Variants in STXBP6 observed in about 807,000 individuals in gnomAD.
The protein encoded by STXBP6 is syntaxin-binding protein 6.
A neutral mutation model predicts 26.9 loss-of-function variants in STXBP6; 21 were observed. The observed-to-expected ratio is 0.78, with a 90% CI of 0.55 to 1.12. The LOEUF (loss-of-function observed/expected upper bound fraction) is 1.12. Ranked by LOEUF, STXBP6 falls within the 50% of genes most tolerant of loss-of-function variation. The probability of loss-of-function intolerance (pLI) is 0.00; values close to 1 mark genes in which losing one functional copy is unlikely to be tolerated. For missense variants in STXBP6, 232 were observed against 257.9 expected (o/e 0.90, Z 0.69); for synonymous variants, 97 against 92.6 (o/e 1.05, Z -0.27).
chr14:24,820,660 T>C (rs1252392733), intron 4 of STXBP6, among the ~76,000 whole-genome samples: 2 of 152,208 alleles, frequency 1.3e-5, no homozygotes, highest in Non-Finnish European at 2.9e-5. Flanking sequence ...CTCATAACTA[T>C]GATAATAACC....
chr14:24,923,204 C>A (rs1163859543), intron 2 of STXBP6, among the ~76,000 whole-genome samples: 2 of 152,108 alleles, frequency 1.3e-5, no homozygotes, highest in Non-Finnish European at 2.9e-5. Flanking sequence ...TCCTACACAA[C>A]ATAACAATTT....
At chr14:24,917,170 C>T (rs2071797454) in intron 2 of STXBP6, among the ~76,000 whole-genome samples, 1 of 151,956 alleles carries the variant, frequency 6.6e-6, no homozygotes, top group African/African-American at 2.4e-5. Context: ...TACTAACATC[C>T]ATGTTTAACA....
chr14:24,984,612 G>A (rs1482150771), intron 1 of STXBP6, among the ~76,000 whole-genome samples: 4 of 152,150 alleles, frequency 2.6e-5, no homozygotes, highest in South Asian at 2.1e-4. Flanking sequence ...TCAACTTCAC[G>A]AATTCATGCC....
At chr14:24,932,322 G>A (rs1280385586) in intron 2 of STXBP6, among the ~76,000 whole-genome samples, 3 of 152,140 alleles carry the variant, frequency 2.0e-5, no homozygotes, top group African/African-American at 4.8e-5. Flanking sequence ...CAGGAGAATC[G>A]TTTGAACCTG....
chr14:25,014,936 A>G lies in STXBP6; in HGVS notation c.-33+34942T>C, dbSNP rs72682973. Reference sequence around the variant, plus strand: ...ATCTCCCAAATTTTCTGTAATTACCATATTATTTTAAATGTTGGAGAATAC... The same window carrying G: ...ATCTCCCAAATTTTCTGTAATTACCGTATTATTTTAAATGTTGGAGAATAC... On this transcript the variant is annotated intron_variant, in intron 1 of 5. Coordinates refer to ENST00000323944, the MANE Select transcript of STXBP6 (RefSeq NM_001394410.1). 3.9e-3 allele frequency among the ~76,000 whole-genome samples: 600 copies of G among 152,292 alleles called. 9 individuals are homozygous for G. Among genetic ancestry groups the G allele is most frequent in the Non-Finnish European group, 3.9e-3 (263 of 68,020 alleles).
intron 2 of STXBP6, among the ~76,000 whole-genome samples, chr14:24,964,417 A>G (rs2073660590): frequency 6.6e-6 from 1 of 152,140 alleles, no homozygotes; most frequent in African/African-American, 2.4e-5. Context: ...TCTTCTGGAA[A>G]ATTCTGCATA....
At chr14:24,934,063 C>G (rs1328898974) in intron 2 of STXBP6, among the ~76,000 whole-genome samples, 1 of 151,972 alleles carries the variant, frequency 6.6e-6, no homozygotes, top group Non-Finnish European at 1.5e-5. Flanking sequence ...AAGAAGATAG[C>G]AATGGAATTC....
intron 4 of STXBP6, among the ~76,000 whole-genome samples, chr14:24,834,108 A>G (rs2068540908): frequency 6.6e-6 from 1 of 152,012 alleles, no homozygotes; most frequent in Non-Finnish European, 1.5e-5. Context: ...TGATCCTTCC[A>G]TCTCAGCCTC....
At chr14:24,849,043 T>C (rs1339524915) in intron 4 of STXBP6, among the ~76,000 whole-genome samples, 4 of 152,104 alleles carry the variant, frequency 2.6e-5, no homozygotes, top group Non-Finnish European at 4.4e-5. Context: ...TAAAAACATT[T>C]GTGTTTGATG....
intron 4 of STXBP6, among the ~76,000 whole-genome samples, chr14:24,852,086 A>G (rs2069176597): frequency 6.6e-6 from 1 of 152,070 alleles, no homozygotes; most frequent in African/African-American, 2.4e-5. Flanking sequence ...CAGAGACCAG[A>G]CCTCTACCTT....
At chr14:24,887,247 AT>A (rs879592094) in intron 2 of STXBP6, among the ~76,000 whole-genome samples, 126 of 152,054 alleles carry the variant, frequency 8.3e-4, no homozygotes, top group Admixed American at 1.4e-3. Context: ...ATTCATCCTT[AT>A]TTTTTTTCCT....
At chr14:24,903,460 T>G (rs2071282354) in intron 2 of STXBP6, among the ~76,000 whole-genome samples, 1 of 152,198 alleles carries the variant, frequency 6.6e-6, no homozygotes, top group Non-Finnish European at 1.5e-5. Context: ...TTCTATAGTG[T>G]AAGCCACTTA....
intron 2 of STXBP6, among the ~76,000 whole-genome samples, chr14:24,859,596 C>G (rs2069459712): frequency 6.6e-6 from 1 of 152,014 alleles, no homozygotes; most frequent in African/African-American, 2.4e-5. Context: ...ACACAAAATC[C>G]AGATGTCTAG....
intron 1 of STXBP6, among the ~76,000 whole-genome samples, chr14:25,007,030 G>A (rs185805375): frequency 1.3e-3 from 204 of 152,266 alleles, no homozygotes; most frequent in Admixed American, 3.0e-3. Context: ...GCAAAAATGC[G>A]AAATCAGCAT....
intron 1 of STXBP6, among the ~76,000 whole-genome samples, chr14:25,035,782 G>A (rs10141197): frequency 0.3 from 45,988 of 151,902 alleles, 7,344 homozygotes; most frequent in African/African-American, 0.41. Context: ...GGTTACCCAC[G>A]GCCAAGTACT....
intron 2 of STXBP6, among the ~76,000 whole-genome samples, chr14:24,950,007 A>C (rs1336765894): frequency 6.6e-6 from 1 of 152,154 alleles, no homozygotes; most frequent in East Asian, 1.9e-4. Context: ...CTCTGAACCC[A>C]TTCTGGTTCT....
At chr14:24,876,911 T>C (rs1031572743) in intron 2 of STXBP6, among the ~76,000 whole-genome samples, 4 of 152,200 alleles carry the variant, frequency 2.6e-5, no homozygotes, top group African/African-American at 7.2e-5. Flanking sequence ...GAGCTGAAGA[T>C]GTTAAGCCTG....
At chr14:24,999,524 G>A (rs887589813) in intron 1 of STXBP6, among the ~76,000 whole-genome samples, 7 of 152,230 alleles carry the variant, frequency 4.6e-5, no homozygotes, top group African/African-American at 1.4e-4. Context: ...TCACAGATGG[G>A]CTATGAAAGA....
chr14:24,901,264 C>T (rs946494083), intron 2 of STXBP6, among the ~76,000 whole-genome samples: 6 of 151,310 alleles, frequency 4.0e-5, no homozygotes, highest in African/African-American at 1.2e-4. Context: ...TAGTGATTTA[C>T]GATCATTTTA....
Sources: gnomAD v4.1 joint callset for allele counts (sites outside exome capture counted in the v4.1 genomes callset) on GRCh38, gnomAD v4.1.1 for gene constraint, MANE v1.5 for transcripts, NCBI Gene and HGNC (gene_info 2026-07-23, HGNC 2026-07-21) for gene names.